FAM161B: variants seen among roughly 807,000 people sequenced by gnomAD.
The protein encoded by FAM161B is protein FAM161B.
A neutral mutation model predicts 61.5 loss-of-function variants in FAM161B; 46 were observed. The ratio of observed to expected loss-of-function variants is 0.75; its 90% CI spans 0.59 to 0.96. The LOEUF is 0.96. Ranked by LOEUF, FAM161B falls within the 40% of genes least tolerant of loss-of-function variation. The pLI is 0.00. For missense variants in FAM161B, 774 were observed against 800.7 expected (o/e 0.97, Z 0.40); for synonymous variants, 284 against 302.7 (o/e 0.94, Z 0.64).
Position 73,944,359 on chromosome 14 carries a change from G to C in FAM161B, c.901C>G (p.Pro301Ala). 11 of 1,593,956 alleles carry C rather than the reference G, an allele frequency of 6.9e-6. No individual in the cohort carries two copies. The highest frequency in any genetic ancestry group is 9.4e-6 in the Non-Finnish European group (11 of 1,165,708). Residue 301 changes from proline (P) to alanine (A), a missense_variant, in exon 3 of 9, where the codon CCA (proline) becomes GCA (alanine). Coordinates refer to ENST00000286544, the MANE Select transcript of FAM161B (RefSeq NM_152445.3). ...TRRIPKSILE[P>A]ALGDKLQEAE... Reference sequence around the variant, plus strand: ...CCCTGGAGTTTATCCCCAAGGGCTGGCTCCAGAATGGACTTGGGAATCCTT... The same window carrying C: ...CCCTGGAGTTTATCCCCAAGGGCTGCCTCCAGAATGGACTTGGGAATCCTT...
rs2055981401 is a variant in FAM161B, at chr14:73,937,676, C to G, written c.1591G>C (p.Glu531Gln). Residue 531 changes from glutamate (E) to glutamine (Q), a missense_variant, in exon 7 of 9, where the codon GAA becomes CAA. By Grantham distance (29) the Glu-to-Gln change is conservative. Coordinates refer to ENST00000286544, the MANE Select transcript of FAM161B (RefSeq NM_152445.3). ...ATTTCCTCCAGTTCTTTCTTATATTCTTTCGCTCTTTTACGGTCATTGTTC... is the reference window on the plus strand; with the variant it reads ...ATTTCCTCCAGTTCTTTCTTATATTGTTTCGCTCTTTTACGGTCATTGTTC... ...NRNNDRKRAK[E>Q]YKKELEEMKQ... 6.2e-7 allele frequency: 1 copy of G among 1,613,930 alleles called. No individual in the cohort carries two copies.
chr14:73,924,777 A>G, the FAM161B span: 1 of 407,022 alleles, frequency 2.5e-6, no homozygotes, highest in South Asian at 1.8e-5. Flanking sequence ...CCCAGGTTCA[A>G]GCGATTCTCC....
Position 73,944,501 on chromosome 14 carries a change from G to T in FAM161B, c.759C>A (p.Leu253=). Residue 253 remains leucine, a synonymous_variant, in exon 3 of 9, where the codon CTC becomes CTA. Coordinates refer to ENST00000286544, the MANE Select transcript of FAM161B (RefSeq NM_152445.3). ...GGAAGCTGAAGGGCTTCAAAGAAGA[G>T]AGGAGCAGTTCCTTCCTCTTCTGGA... ...AGIQKRKELL[L]SSLKPFSFLE... is the part of the protein sequence containing the mutation. The T allele has an allele frequency of 6.2e-7, 1 of 1,614,128 alleles. No individual in the cohort carries two copies. The highest frequency in any genetic ancestry group is 8.5e-7 in the Non-Finnish European group (1 of 1,180,018).
chr14:73,935,253 C>T (rs557468384), intron 8 of FAM161B, among the ~76,000 whole-genome samples: 5 of 151,592 alleles, frequency 3.3e-5, no homozygotes, highest in South Asian at 2.1e-4. Flanking sequence ...GAGGGCCGGG[C>T]GCGGTCACTC....
At chr14:73,934,997 A>G (rs1244427411) in intron 8 of FAM161B, among the ~76,000 whole-genome samples, 3 of 151,844 alleles carry the variant, frequency 2.0e-5, no homozygotes, top group Non-Finnish European at 4.4e-5. Flanking sequence ...CAGTGAGCAG[A>G]GACTGCAGTG....
chr14:73,947,566 G>A (rs2056077725), intron 1 of FAM161B, among the ~76,000 whole-genome samples: 2 of 152,180 alleles, frequency 1.3e-5, no homozygotes, highest in East Asian at 1.9e-4. Context: ...AGACAAACAA[G>A]GTCCTTACTC....
intron 5 of FAM161B, among the ~76,000 whole-genome samples, chr14:73,940,293 A>T (rs2056006594): frequency 6.6e-6 from 1 of 152,196 alleles, no homozygotes; most frequent in Admixed American, 6.5e-5. Context: ...TTGCTGCCCA[A>T]CAGACTCTGA....
rs1000929463 is a variant in FAM161B, at chr14:73,937,673, A to G, written c.1594T>C (p.Tyr532His). 1 of 1,614,056 alleles carries G rather than the reference A, an allele frequency of 6.2e-7. No individual in the cohort carries two copies. Among genetic ancestry groups the G allele is most frequent in the African/African-American group, 1.3e-5 (1 of 75,020 alleles). Residue 532 changes from tyrosine to histidine, a missense_variant, in exon 7 of 9, where the codon TAT becomes CAT. By Grantham distance (83) the Tyr-to-His change is moderately conservative. Transcript: ENST00000286544. Reference sequence around the variant, plus strand: ...TTCATTTCCTCCAGTTCTTTCTTATATTCTTTCGCTCTTTTACGGTCATTG... The same window carrying G: ...TTCATTTCCTCCAGTTCTTTCTTATGTTCTTTCGCTCTTTTACGGTCATTG... Reference protein sequence around the residue: ...RNNDRKRAKEYKKELEEMKQR... With the variant: ...RNNDRKRAKEHKKELEEMKQR...
chr14:73,942,502 T>C lies in FAM161B; in HGVS notation c.1139A>G (p.Lys380Arg), dbSNP rs2056028175. The change falls in exon 4 of 9, where the codon AAG (lysine) becomes AGG (arginine). Residue 380 changes from lysine (K) to arginine (R), a missense_variant. Physicochemically the swap from Lys to Arg is conservative, Grantham distance 26 (BLOSUM62 2). Transcript: ENST00000286544. ...PVVPDYEGLY[K>R]AFQRRAAKRR... ...TTTGGCTGCTCTTCTCTGGAAGGCC[T>C]TGTAAAGGCCCTCATAGTCAGGGAC... is the stretch of plus-strand genomic sequence containing the variant. 6 of 1,614,166 alleles carry C rather than the reference T, an allele frequency of 3.7e-6. No homozygotes were observed. The highest frequency in any genetic ancestry group is 1.7e-6 in the Non-Finnish European group (2 of 1,180,026).
At chr14:73,931,390 A>T (rs1393705649), downstream of FAM161B, 2 of 879,642 alleles carry the variant, frequency 2.3e-6, no homozygotes, top group African/African-American at 1.7e-5. Flanking sequence ...GATAGCCTTC[A>T]TTCACCCCTG....
intron 1 of FAM161B, 183 bp downstream of exon 1, chr14:73,949,790 G>A (rs917866066): frequency 4.6e-5 from 35 of 764,646 alleles, no homozygotes; most frequent in Admixed American, 8.7e-5. Flanking sequence ...TGCCTATCAA[G>A]AGCCTCGTAT....
intron 4 of FAM161B, among the ~76,000 whole-genome samples, chr14:73,942,134 G>A (rs1027470007): frequency 1.3e-5 from 2 of 152,084 alleles, no homozygotes; most frequent in Non-Finnish European, 2.9e-5. Flanking sequence ...GGAACTACAG[G>A]TACACACCAC....
At chr14:73,935,071 AGT>A (rs1276442883) in intron 8 of FAM161B, among the ~76,000 whole-genome samples, 1 of 53,440 alleles carries the variant, frequency 1.9e-5, no homozygotes. Flanking sequence ...CAAAAAAAAA[AGT>A]CTCAACATTA....
the FAM161B span, among the ~76,000 whole-genome samples, chr14:73,924,306 A>G: frequency 6.6e-6 from 1 of 152,148 alleles, no homozygotes; most frequent in Admixed American, 6.5e-5. Flanking sequence ...CTGACAGGAG[A>G]GGTGGAGCTC....
chr14:73,938,453 G>A (rs537733604), intron 5 of FAM161B, among the ~76,000 whole-genome samples: 9 of 143,950 alleles, frequency 6.3e-5, no homozygotes, highest in Non-Finnish European at 9.1e-5. Flanking sequence ...ATCAAATTCC[G>A]TCTCAAAAAT....
the FAM161B span, among the ~76,000 whole-genome samples, chr14:73,924,439 T>C: frequency 1.3e-5 from 2 of 152,138 alleles, no homozygotes; most frequent in Admixed American, 6.5e-5. Context: ...ACAAAAAGGG[T>C]TTGAGGTTGA....
chr14:73,932,279 G>GTTCT lies in FAM161B; in HGVS notation c.*1973_*1976dup. ...TTAAATAAACAAAACAGCCCAGTCAGTTCTTTGGCTCTTGTTTTATACAAA... is the reference window on the plus strand; with the variant it reads ...TTAAATAAACAAAACAGCCCAGTCAGTTCTTTCTTTGGCTCTTGTTTTATACAAA... On this transcript the variant is annotated 3_prime_UTR_variant, in exon 9 of 9. Transcript: ENST00000286544. 2 of 333,378 alleles carry GTTCT rather than the reference G, an allele frequency of 6.0e-6. No homozygotes were observed. Among genetic ancestry groups the GTTCT allele is most frequent in the South Asian group, 4.8e-5 (2 of 41,306 alleles). The allele number at this position is 333,378 out of a possible 1,614,324, so 20.7% of individuals were successfully genotyped here.
intron 5 of FAM161B, among the ~76,000 whole-genome samples, chr14:73,939,543 T>A (rs994250554): frequency 6.6e-5 from 10 of 152,094 alleles, no homozygotes; most frequent in African/African-American, 2.4e-4. Context: ...AGCATGCCAG[T>A]GGAAAAGCCC....
At position 73,944,741 on chromosome 14, in the gene FAM161B, C is replaced by G. The variant is rs1029433287; in HGVS notation, c.519G>C (p.Arg173=). The G allele has an allele frequency of 2.5e-6, 4 of 1,599,220 alleles. No homozygotes were observed. The highest frequency in any genetic ancestry group is 3.4e-6 in the Non-Finnish European group (4 of 1,170,416). The part of the protein sequence containing the change: ...SSWASSITVP[R]PFRMTLREAR... Reference sequence around the variant, plus strand: ...CCTCGCGCAGCGTCATGCGGAATGGCCGAGGGACAGTAATGGATGATGCCC... The same window carrying G: ...CCTCGCGCAGCGTCATGCGGAATGGGCGAGGGACAGTAATGGATGATGCCC... The change falls in exon 3 of 9, where the codon CGG becomes CGC. Residue 173 remains arginine, a synonymous_variant. Transcript: ENST00000286544.
Sources: gnomAD v4.1 joint callset for allele counts (sites outside exome capture counted in the v4.1 genomes callset) on GRCh38, gnomAD v4.1.1 for gene constraint, MANE v1.5 for transcripts, NCBI Gene and HGNC (gene_info 2026-07-23, HGNC 2026-07-21) for gene names.